Variants in DLGAP2 observed in about 807,000 individuals in gnomAD.
DLGAP2 encodes disks large-associated protein 2.
Under a neutral mutation model 100.3 loss-of-function variants are expected in DLGAP2, and 26 were observed. That is an observed-to-expected ratio of 0.26 (90% CI 0.19 to 0.36). DLGAP2 has a LOEUF of 0.36. Among genes scored for constraint, DLGAP2 ranks in the 10% least tolerant of loss-of-function variants. The pLI, the probability that DLGAP2 is intolerant of heterozygous loss-of-function variation, is 1.00. For missense variants in DLGAP2, 1,858 were observed against 1,453.2 expected (o/e 1.28, Z -4.53); for synonymous variants, 886 against 630.1 (o/e 1.41, Z -6.08).
chr8:1,495,112 C>T (rs566476369), intron 3 of DLGAP2, among the ~76,000 whole-genome samples: 24 of 152,324 alleles, frequency 1.6e-4, no homozygotes, highest in African/African-American at 5.3e-4. Flanking sequence ...TGGTGCCCTC[C>T]CTTCCCTGCC....
chr8:1,081,284 T>C (rs1803799489), intron 2 of DLGAP2, among the ~76,000 whole-genome samples: 1 of 152,214 alleles, frequency 6.6e-6, no homozygotes, highest in Non-Finnish European at 1.5e-5. Flanking sequence ...TCAATAAAAA[T>C]TCATTCTTAG....
At chr8:1,583,773 C>T (rs1227547567) in intron 6 of DLGAP2, among the ~76,000 whole-genome samples, 2 of 152,156 alleles carry the variant, frequency 1.3e-5, no homozygotes, top group Non-Finnish European at 2.9e-5. Flanking sequence ...GCTGATCTCA[C>T]GTCTCAGCTT....
intron 2 of DLGAP2, among the ~76,000 whole-genome samples, chr8:1,070,169 C>T (rs1412434182): frequency 6.6e-6 from 1 of 152,188 alleles, no homozygotes; most frequent in Non-Finnish European, 1.5e-5. Context: ...TGCTCTTTGA[C>T]TTCAGCTGAT....
chr8:1,332,805 C>G (rs1055312716), intron 3 of DLGAP2, among the ~76,000 whole-genome samples: 2 of 152,164 alleles, frequency 1.3e-5, no homozygotes, highest in African/African-American at 4.8e-5. Context: ...CATTCATAAC[C>G]AAGCATCAGA....
At chr8:1,701,088 G>C (rs1799553137) in intron 14 of DLGAP2, 100 bp from the exon 15 acceptor site, 4 of 1,095,108 alleles carry the variant, frequency 3.7e-6, no homozygotes. Context: ...TGGGGGCTGC[G>C]GTCGGGAAGG....
intron 2 of DLGAP2, among the ~76,000 whole-genome samples, chr8:930,555 T>C (rs996972882): frequency 6.6e-6 from 1 of 152,152 alleles, no homozygotes; most frequent in African/African-American, 2.4e-5. Flanking sequence ...CAGACAGAGA[T>C]ATTCTAGTTA....
chr8:824,649 C>T (rs1052609453), intron 1 of DLGAP2, among the ~76,000 whole-genome samples: 6 of 151,976 alleles, frequency 3.9e-5, no homozygotes, highest in African/African-American at 9.7e-5. Flanking sequence ...CTGGTGGTTC[C>T]GCCTGTTTGG....
chr8:1,474,303 TC>T (rs1387263488), intron 3 of DLGAP2, among the ~76,000 whole-genome samples: 2 of 152,332 alleles, frequency 1.3e-5, no homozygotes, highest in South Asian at 2.1e-4. Context: ...TTGGGCTGGT[TC>T]CGTGTTTTTG....
intron 3 of DLGAP2, among the ~76,000 whole-genome samples, chr8:1,315,017 G>C (rs951958834): frequency 3.3e-5 from 5 of 152,212 alleles, no homozygotes; most frequent in Admixed American, 6.5e-5. Flanking sequence ...TTATTAATAG[G>C]ACTTCCAGAA....
chr8:778,976 T>A (rs1821609966), intron 1 of DLGAP2, among the ~76,000 whole-genome samples: 1 of 152,230 alleles, frequency 6.6e-6, no homozygotes, highest in South Asian at 2.1e-4. Flanking sequence ...CAGACTGCTG[T>A]GCTAGCAATC....
intron 2 of DLGAP2, among the ~76,000 whole-genome samples, chr8:1,074,003 T>A (rs1308197342): frequency 6.7e-6 from 1 of 149,050 alleles, no homozygotes; most frequent in East Asian, 1.9e-4. Context: ...CAGAAGGGTT[T>A]GCAGCAGACT....
intron 3 of DLGAP2, among the ~76,000 whole-genome samples, chr8:1,349,982 A>C (rs1007631359): frequency 2.0e-5 from 3 of 152,188 alleles, no homozygotes; most frequent in Non-Finnish European, 2.9e-5. Context: ...ATTTTTTTTC[A>C]GCAACCAAAA....
chr8:792,091 C>T (rs1272721984), intron 1 of DLGAP2, among the ~76,000 whole-genome samples: 1 of 152,202 alleles, frequency 6.6e-6, no homozygotes. Flanking sequence ...ATGTTTTCTA[C>T]TTTGATGAAG....
chr8:1,098,843 A>G, intron 2 of DLGAP2, among the ~76,000 whole-genome samples: 1 of 151,822 alleles, frequency 6.6e-6, no homozygotes, highest in Admixed American at 6.6e-5. Context: ...GGACGCTGCG[A>G]CGCACACCAG....
At position 1,546,819 on chromosome 8, in the gene DLGAP2, G is replaced by A. The variant is rs541885064; in HGVS notation, c.173-1807G>A. On this transcript the variant is annotated intron_variant, in intron 4 of 14. Coordinates refer to ENST00000637795, the MANE Select transcript of DLGAP2 (RefSeq NM_001346810.2). ...CGAGAGAGGAGCAAGTGGGAGAGAC[G>A]CTTATGGTGACGGGAGAGCTGGCAG... Among the ~76,000 whole-genome samples, 10 of 152,264 alleles carry A rather than the reference G, an allele frequency of 6.6e-5. No individual in the cohort carries two copies. In the East Asian group the frequency reaches 1.7e-3, roughly 26 times the overall value.
chr8:875,806 C>T (rs568521737), intron 1 of DLGAP2, among the ~76,000 whole-genome samples: 18 of 152,062 alleles, frequency 1.2e-4, no homozygotes, highest in East Asian at 1.2e-3. Flanking sequence ...TCATTTATTT[C>T]GTGTTTGCTC....
Position 1,390,073 on chromosome 8 carries a change from A to T in DLGAP2, c.107-111293A>T, listed in dbSNP as rs740248. 3.6e-3 allele frequency among the ~76,000 whole-genome samples: 548 copies of T among 152,160 alleles called. 11 individuals carry two copies. In the East Asian group the frequency reaches 0.051, roughly 14 times the overall value. Reference sequence around the variant, plus strand: ...GAAAAACTTAACAGGCTGACATTTCATCCGTTGATGGAGATCACAGGGCCC... The same window carrying T: ...GAAAAACTTAACAGGCTGACATTTCTTCCGTTGATGGAGATCACAGGGCCC... On this transcript the variant is annotated intron_variant, in intron 3 of 14. Transcript: ENST00000637795.
At chr8:1,304,919 A>G (rs568275854) in intron 3 of DLGAP2, among the ~76,000 whole-genome samples, 15 of 152,254 alleles carry the variant, frequency 9.9e-5, no homozygotes, top group Non-Finnish European at 8.8e-5. Flanking sequence ...TCATTCATGC[A>G]TATCGTGCAT....
chr8:1,425,263 A>G (rs1266966623), intron 3 of DLGAP2, among the ~76,000 whole-genome samples: 1 of 152,214 alleles, frequency 6.6e-6, no homozygotes, highest in Non-Finnish European at 1.5e-5. Context: ...TGTATTTTAA[A>G]GAATATAAAA....
Sources: allele counts gnomAD v4.1 joint callset (sites outside exome capture counted in the v4.1 genomes callset), GRCh38; gene constraint gnomAD v4.1.1; transcripts MANE v1.5; gene names NCBI Gene and HGNC (gene_info 2026-07-23, HGNC 2026-07-21).